The following FBXL7 variants were observed in gnomAD, a reference collection of about 807,000 sequenced individuals.
The protein encoded by FBXL7 is F-box/LRR-repeat protein 7.
Under a neutral mutation model 38.3 loss-of-function variants are expected in FBXL7, and 12 were observed. The observed-to-expected ratio is 0.31, with a 90% CI of 0.20 to 0.51. The LOEUF (loss-of-function observed/expected upper bound fraction) is 0.51. FBXL7 is among the 20% of genes least tolerant of loss of function. The pLI, the probability that FBXL7 is intolerant of heterozygous loss-of-function variation, is 0.98. For missense variants in FBXL7, 567 were observed against 676.4 expected, an observed-to-expected ratio of 0.84 and a Z score of 1.79; for synonymous variants, 297 against 300.9, an observed-to-expected ratio of 0.99 and a Z score of 0.13.
At chr5:15,626,039 A>G (rs946367564) in intron 2 of FBXL7, among the ~76,000 whole-genome samples, 1 of 152,182 alleles carries the variant, frequency 6.6e-6, no homozygotes, top group African/African-American at 2.4e-5. Flanking sequence ...TGTATGAGGA[A>G]GGTGATGACT....
At chr5:15,915,661 G>T (rs775702886) in intron 2 of FBXL7, among the ~76,000 whole-genome samples, 3 of 152,132 alleles carry the variant, frequency 2.0e-5, no homozygotes, top group Non-Finnish European at 4.4e-5. Flanking sequence ...TTTTGCAGGG[G>T]ACGCAATTCA....
chr5:15,552,362 C>T (rs1158394642), intron 1 of FBXL7, among the ~76,000 whole-genome samples: 4 of 152,188 alleles, frequency 2.6e-5, no homozygotes, highest in Non-Finnish European at 4.4e-5. Context: ...CCCTTTTCTT[C>T]TCATGCCATC....
intron 2 of FBXL7, among the ~76,000 whole-genome samples, chr5:15,900,188 A>C (rs1414779951): frequency 6.6e-6 from 1 of 152,156 alleles, no homozygotes; most frequent in Non-Finnish European, 1.5e-5. Flanking sequence ...CTGTACAAAC[A>C]CTGGATCCAG....
intron 2 of FBXL7, among the ~76,000 whole-genome samples, chr5:15,785,994 T>C (rs548919567): frequency 6.6e-6 from 1 of 152,282 alleles, no homozygotes; most frequent in African/African-American, 2.4e-5. Flanking sequence ...TTGGAATGGC[T>C]CCATTTATCT....
intron 2 of FBXL7, among the ~76,000 whole-genome samples, chr5:15,759,614 T>C (rs1736389129): frequency 1.3e-5 from 2 of 152,226 alleles, no homozygotes; most frequent in African/African-American, 4.8e-5. Context: ...ATGTAAATTA[T>C]CTATTAAGAC....
At chr5:15,841,746 G>A (rs1231020088) in intron 2 of FBXL7, among the ~76,000 whole-genome samples, 1 of 152,242 alleles carries the variant, frequency 6.6e-6, no homozygotes, top group Non-Finnish European at 1.5e-5. Context: ...TCCAGCTGTA[G>A]CTGAAAGGGG....
intron 1 of FBXL7, among the ~76,000 whole-genome samples, chr5:15,513,586 A>G (rs1241788564): frequency 6.6e-6 from 1 of 152,246 alleles, no homozygotes; most frequent in Admixed American, 6.5e-5. Context: ...TGTTCAGATC[A>G]GATGGATGGA....
chr5:15,517,549 G>T lies in FBXL7; in HGVS notation c.37+16836G>T, dbSNP rs184489430. 3.7e-3 allele frequency among the ~76,000 whole-genome samples: 563 copies of T among 152,300 alleles called. 4 individuals are homozygous for T. The highest frequency in any genetic ancestry group is 6.0e-3 in the Non-Finnish European group (406 of 68,018). On this transcript the variant is annotated intron_variant, in intron 1 of 3. Coordinates refer to ENST00000504595, the MANE Select transcript of FBXL7 (RefSeq NM_012304.5). ...GGGAACCAGTCATAGGCTCTGTGGG[G>T]AGGAAAGGGTGATGTGAGCTGAGCG... is the stretch of plus-strand genomic sequence containing the variant.
At chr5:15,703,479 ATTC>A (rs1250512112) in intron 2 of FBXL7, among the ~76,000 whole-genome samples, 1 of 152,228 alleles carries the variant, frequency 6.6e-6, no homozygotes, top group South Asian at 2.1e-4. Flanking sequence ...CTTGTGTGAA[ATTC>A]TTCTGCTAAT....
intron 2 of FBXL7, among the ~76,000 whole-genome samples, chr5:15,686,937 ATC>A (rs1238916103): frequency 6.6e-6 from 1 of 152,144 alleles, no homozygotes; most frequent in Non-Finnish European, 1.5e-5. Context: ...AGTGAAGACA[ATC>A]TCTATCTGGG....
At chr5:15,649,473 T>C (rs1047386955) in intron 2 of FBXL7, among the ~76,000 whole-genome samples, 3 of 152,128 alleles carry the variant, frequency 2.0e-5, no homozygotes, top group Non-Finnish European at 4.4e-5. Flanking sequence ...ATAAGATTCA[T>C]GGGCAGTGAG....
intron 2 of FBXL7, among the ~76,000 whole-genome samples, chr5:15,867,128 G>A (rs1739750725): frequency 1.3e-5 from 2 of 152,070 alleles, no homozygotes; most frequent in Non-Finnish European, 2.9e-5. Context: ...TATCCTTTAG[G>A]ATAAAGTTTC....
intron 2 of FBXL7, among the ~76,000 whole-genome samples, chr5:15,857,638 A>C (rs1298394654): frequency 2.0e-5 from 3 of 152,364 alleles, no homozygotes; most frequent in Middle Eastern, 3.4e-3. Flanking sequence ...CAAACATAGA[A>C]GATCAGGATC....
chr5:15,569,532 G>C (rs1322605189), intron 1 of FBXL7, among the ~76,000 whole-genome samples: 3 of 149,618 alleles, frequency 2.0e-5, no homozygotes, highest in Non-Finnish European at 3.0e-5. Context: ...CATGTCATCT[G>C]CAAACAGGGA....
At chr5:15,895,550 A>G (rs1251929129) in intron 2 of FBXL7, among the ~76,000 whole-genome samples, 2 of 152,008 alleles carry the variant, frequency 1.3e-5, no homozygotes, top group Admixed American at 1.3e-4. Flanking sequence ...TGCAAACATT[A>G]CAACGTGAAC....
chr5:15,640,212 C>A (rs193254169), intron 2 of FBXL7, among the ~76,000 whole-genome samples: 256 of 152,220 alleles, frequency 1.7e-3, no homozygotes, highest in Non-Finnish European at 3.3e-3. Context: ...ATCAAGGTGG[C>A]AGCAGCCGTC....
At chr5:15,516,326 T>C (rs1234612163) in intron 1 of FBXL7, among the ~76,000 whole-genome samples, 1 of 152,248 alleles carries the variant, frequency 6.6e-6, no homozygotes, top group Admixed American at 6.5e-5. Context: ...ATGTTAACAC[T>C]TTAAAATGAA....
intron 2 of FBXL7, among the ~76,000 whole-genome samples, chr5:15,649,599 G>A (rs1741641289): frequency 6.6e-6 from 1 of 152,102 alleles, no homozygotes; most frequent in South Asian, 2.1e-4. Context: ...TATTAGGCAA[G>A]TATATTTGTA....
intron 2 of FBXL7, among the ~76,000 whole-genome samples, chr5:15,803,764 ATTTG>A (rs1193684228): frequency 6.6e-6 from 1 of 152,036 alleles, no homozygotes; most frequent in Non-Finnish European, 1.5e-5. Context: ...CTCCTCCTGT[ATTTG>A]TTTGATATCT....
Sources: allele counts gnomAD v4.1 joint callset (sites outside exome capture counted in the v4.1 genomes callset), GRCh38; gene constraint gnomAD v4.1.1; transcripts MANE v1.5; gene names NCBI Gene and HGNC (gene_info 2026-07-23, HGNC 2026-07-21).